Variants in MDFIC observed in about 807,000 individuals in gnomAD.
The protein encoded by MDFIC is MyoD family inhibitor domain containing, also known as myoD family inhibitor domain-containing protein.
Under a neutral mutation model 23.2 loss-of-function variants are expected in MDFIC, and 17 were observed. The ratio of observed to expected loss-of-function variants is 0.73; its 90% confidence interval spans 0.50 to 1.10. The LOEUF (loss-of-function observed/expected upper bound fraction) is 1.10. MDFIC is among the 50% of genes least tolerant of loss of function. The pLI is 0.00. For synonymous variants in MDFIC, 120 were observed against 115.2 expected, an observed-to-expected ratio of 1.04 and a Z score of -0.27; for missense variants, 356 against 316.6, an observed-to-expected ratio of 1.12 and a Z score of -0.95.
chr7:114,991,080 T>C (rs1322183166), intron 4 of MDFIC, among the ~76,000 whole-genome samples: 3 of 152,166 alleles, frequency 2.0e-5, no homozygotes, highest in Non-Finnish European at 4.4e-5. Context: ...GGTTTTGATT[T>C]GCATTTCTCT....
chr7:114,942,821 G>T (rs1792571188), intron 3 of MDFIC, among the ~76,000 whole-genome samples: 1 of 152,086 alleles, frequency 6.6e-6, no homozygotes, highest in Non-Finnish European at 1.5e-5. Context: ...ATCACTGTTT[G>T]TTAAAAAAAT....
intron 4 of MDFIC, among the ~76,000 whole-genome samples, chr7:114,999,643 T>C (rs1298151329): frequency 6.6e-6 from 1 of 152,042 alleles, no homozygotes; most frequent in Non-Finnish European, 1.5e-5. Flanking sequence ...TAGTTTAAAG[T>C]TGACATATTT....
At chr7:114,978,616 T>C (rs981919624) in intron 3 of MDFIC, among the ~76,000 whole-genome samples, 15 of 152,090 alleles carry the variant, frequency 9.9e-5, no homozygotes, top group African/African-American at 1.2e-4. Context: ...GTTGATTTTA[T>C]ATGGTTGTGT....
At chr7:114,998,259 G>A (rs1405129137) in intron 4 of MDFIC, among the ~76,000 whole-genome samples, 1 of 152,100 alleles carries the variant, frequency 6.6e-6, no homozygotes, top group Non-Finnish European at 1.5e-5. Context: ...GTATCAAAGT[G>A]TTATTCATTG....
At chr7:114,929,323 G>C (rs1004152193) in intron 2 of MDFIC, among the ~76,000 whole-genome samples, 2 of 152,112 alleles carry the variant, frequency 1.3e-5, no homozygotes, top group African/African-American at 4.8e-5. Context: ...GGCCAGGTTG[G>C]TCTCGAACTC....
At chr7:114,974,544 G>T (rs147644183) in intron 3 of MDFIC, among the ~76,000 whole-genome samples, 6 of 152,166 alleles carry the variant, frequency 3.9e-5, no homozygotes, top group Admixed American at 2.0e-4. Flanking sequence ...AATAGCATGA[G>T]AATTCTTTTG....
intron 3 of MDFIC, among the ~76,000 whole-genome samples, chr7:114,955,715 G>A (rs1792870493): frequency 6.6e-6 from 1 of 152,112 alleles, no homozygotes; most frequent in African/African-American, 2.4e-5. Flanking sequence ...GTTAAGCTGT[G>A]GTAATTTGTT....
chr7:114,968,282 A>C (rs964779481), intron 3 of MDFIC, among the ~76,000 whole-genome samples: 4 of 152,226 alleles, frequency 2.6e-5, no homozygotes, highest in Admixed American at 6.5e-5. Context: ...TGCTCCAAAA[A>C]ATTAAAACAT....
At chr7:114,973,090 C>CATGTGT (rs58799374) in intron 3 of MDFIC, among the ~76,000 whole-genome samples, 51 of 148,304 alleles carry the variant, frequency 3.4e-4, no homozygotes, top group Non-Finnish European at 1.0e-4. Flanking sequence ...GTTTATGTAT[C>CATGTGT]GTGTGTGTGT....
At position 114,954,034 on chromosome 7, in the gene MDFIC, A is replaced by C. The variant is rs372494235; in HGVS notation, c.217+11637A>C. Among the ~76,000 whole-genome samples, 10 of 152,344 alleles carry C rather than the reference A, an allele frequency of 6.6e-5. No individual in the cohort carries two copies. The East Asian group carries it at 1.9e-3, about 29-fold the overall frequency. On this transcript the variant is annotated intron_variant, in intron 3 of 4. Coordinates refer to ENST00000393486, the MANE Select transcript of MDFIC (RefSeq NM_001166345.3). Reference sequence around the variant, plus strand: ...AGTGTCTTATTTGCCCTTCTAGGTCAGGATTTCCCAGTCTCAGACTGATGT... The same window carrying C: ...AGTGTCTTATTTGCCCTTCTAGGTCCGGATTTCCCAGTCTCAGACTGATGT...
At chr7:115,013,675 G>C (rs1226601111) in intron 4 of MDFIC, among the ~76,000 whole-genome samples, 1 of 152,180 alleles carries the variant, frequency 6.6e-6, no homozygotes, top group Non-Finnish European at 1.5e-5. Flanking sequence ...TAATAATGAA[G>C]CTGGCTGTTT....
chr7:114,944,822 A>G (rs1444413708), intron 3 of MDFIC, among the ~76,000 whole-genome samples: 1 of 152,142 alleles, frequency 6.6e-6, no homozygotes, highest in Middle Eastern at 3.2e-3. Flanking sequence ...GGAGGAGGGG[A>G]ACATCTGTGT....
chr7:114,991,049 T>C (rs957398733), intron 4 of MDFIC, among the ~76,000 whole-genome samples: 4 of 151,958 alleles, frequency 2.6e-5, no homozygotes, highest in Non-Finnish European at 5.9e-5. Context: ...TTCTAACTGG[T>C]GTGAGATGGT....
At chr7:114,996,433 A>G (rs1018912418) in intron 4 of MDFIC, among the ~76,000 whole-genome samples, 1 of 152,182 alleles carries the variant, frequency 6.6e-6, no homozygotes, top group Non-Finnish European at 1.5e-5. Context: ...AACTGAGATG[A>G]GAAGACTATA....
At position 115,014,559 on chromosome 7, in the gene MDFIC, T is replaced by A. The variant is rs1001147650; in HGVS notation, c.494-1129T>A. 5 of 1,267,878 alleles carry A rather than the reference T, an allele frequency of 3.9e-6. No homozygotes were observed. In the African/African-American group the frequency reaches 7.7e-5, roughly 20 times the overall value. The allele number at this position is 1,267,878 out of a possible 1,614,324, so 78.5% of individuals were successfully genotyped here. A position where few individuals can be genotyped will look rare whatever the true frequency, so the allele number is the denominator to read the frequency against. On this transcript the variant is annotated intron_variant, in intron 4 of 4. Transcript: ENST00000393486. The stretch of plus-strand genomic sequence containing the variant: ...GTAAGAGGGTGGGGTTGTTGTGTCT[T>A]ATCGCTATTGTAGGTTGTGGAATCT...
intron 4 of MDFIC, among the ~76,000 whole-genome samples, chr7:114,990,502 G>A (rs1793587825): frequency 1.3e-5 from 2 of 151,838 alleles, no homozygotes; most frequent in South Asian, 4.2e-4. Context: ...CCTCCCCTCT[G>A]CCTGCCCCAC....
At chr7:114,959,236 G>A (rs749701414) in intron 3 of MDFIC, among the ~76,000 whole-genome samples, 2 of 152,084 alleles carry the variant, frequency 1.3e-5, no homozygotes, top group Admixed American at 6.5e-5. Flanking sequence ...ATCATAGCCT[G>A]GTCAGTAATA....
intron 2 of MDFIC, among the ~76,000 whole-genome samples, chr7:114,933,253 C>CATT (rs1554470414): frequency 7.4e-6 from 1 of 135,936 alleles, no homozygotes; most frequent in African/African-American, 2.7e-5. Flanking sequence ...GTGTTCCATT[C>CATT]TTTTTTTTTT....
chr7:115,014,425 A>C, intron 4 of MDFIC: 1 of 1,289,678 alleles, frequency 7.8e-7, no homozygotes, highest in Non-Finnish European at 1.0e-6. Flanking sequence ...GCTGCCAAGC[A>C]ACAAGCTGGT....
Sources: allele counts gnomAD v4.1 joint callset (sites outside exome capture counted in the v4.1 genomes callset), GRCh38; gene constraint gnomAD v4.1.1; transcripts MANE v1.5; gene names NCBI Gene and HGNC (gene_info 2026-07-23, HGNC 2026-07-21).